ATP7A: variants seen among roughly 807,000 people sequenced by gnomAD.
ATP7A encodes copper-transporting ATPase 1.
ATP7A carries 7 observed loss-of-function variants against 83.5 expected under a neutral mutation model. That is an observed-to-expected ratio of 0.08 (90% CI 0.05 to 0.16). The LOEUF is 0.16. Ranked by LOEUF, ATP7A falls within the 10% of genes least tolerant of loss-of-function variation. The probability of loss-of-function intolerance (pLI) is 1.00; values close to 1 mark genes in which losing one functional copy is unlikely to be tolerated. For missense variants in ATP7A, 940 were observed against 1,120.8 expected, an observed-to-expected ratio of 0.84 and a Z score of 2.30; for synonymous variants, 354 against 395.2, an observed-to-expected ratio of 0.90 and a Z score of 1.24.
chrX:78,002,588 T>G (rs2149089888), intron 5 of ATP7A, among the ~76,000 whole-genome samples: 1 of 111,237 alleles, frequency 9.0e-6, no homozygotes, highest in East Asian at 2.8e-4. Flanking sequence ...ATTTTAGGTG[T>G]GAAAATGGTA....
chrX:77,922,316 G>A (rs1215379319), intron 1 of ATP7A, among the ~76,000 whole-genome samples: 2 of 110,475 alleles, frequency 1.8e-5, no homozygotes, highest in African/African-American at 6.6e-5. Flanking sequence ...ACCAGCCTGG[G>A]CAATATAGGG....
Position 78,038,904 on chromosome X carries a change from G to A in ATP7A, c.3580G>A (p.Val1194Ile). Reference protein sequence around the residue: ...NREWMIRNGLVINNDVNDFMT... With the variant: ...NREWMIRNGLIINNDVNDFMT... ...GGAGTGGATGATTAGAAATGGTCTT[G>A]TCATTAATAACGATGTAAATGATTT... The change falls in exon 18 of 23, where the codon GTC (valine) becomes ATC (isoleucine). Residue 1194 changes from valine to isoleucine, a missense_variant. Coordinates refer to ENST00000341514, the MANE Select transcript of ATP7A (RefSeq NM_000052.7). 8.3e-7 allele frequency: 1 copy of A among 1,210,514 alleles called. No individual in the cohort carries two copies. Among genetic ancestry groups the A allele is most frequent in the South Asian group, 1.8e-5 (1 of 56,992 alleles).
At chrX:78,018,491 C>G (rs782697911) in intron 12 of ATP7A, among the ~76,000 whole-genome samples, 5 of 111,092 alleles carry the variant, frequency 4.5e-5, no homozygotes, top group Non-Finnish European at 9.4e-5. Context: ...GCAAGAAGTG[C>G]GAAACTCTGT....
chrX:77,921,635 C>T (rs988343697), intron 1 of ATP7A, among the ~76,000 whole-genome samples: 1 of 112,165 alleles, frequency 8.9e-6, no homozygotes, highest in Non-Finnish European at 1.9e-5. Context: ...AGGTGCAGTG[C>T]CTCACGCCTG....
intron 4 of ATP7A, among the ~76,000 whole-genome samples, chrX:77,995,048 C>T (rs781903701): frequency 9.0e-6 from 1 of 111,615 alleles, no homozygotes; most frequent in East Asian, 2.8e-4. Flanking sequence ...AGCTTAACTA[C>T]AGTGACCCAT....
chrX:78,031,225 GA>G (rs1203241761), intron 15 of ATP7A, among the ~76,000 whole-genome samples, 174 bp from the exon 16 acceptor site: 2 of 111,909 alleles, frequency 1.8e-5, no homozygotes, highest in African/African-American at 6.5e-5. Flanking sequence ...GTATAACTAA[GA>G]GTATTTCTTC....
chrX:77,919,472 G>A (rs1309843577), intron 1 of ATP7A, among the ~76,000 whole-genome samples: 2 of 112,256 alleles, frequency 1.8e-5, no homozygotes, highest in African/African-American at 6.5e-5. Flanking sequence ...GGTAAAATAT[G>A]CATAATATAA....
chrX:77,911,542 T>C (rs978486889), intron 1 of ATP7A, among the ~76,000 whole-genome samples: 1 of 108,860 alleles, frequency 9.2e-6, no homozygotes, highest in Non-Finnish European at 1.9e-5. Flanking sequence ...TTGAATTAGA[T>C]GATACTGAGG....
Position 78,046,392 on chromosome X carries a change from A to G in ATP7A, c.4325A>G (p.Asp1442Gly). 1.7e-6 allele frequency: 2 copies of G among 1,211,646 alleles called. No individual in the cohort carries two copies. The highest frequency in any genetic ancestry group is 2.2e-6 in the Non-Finnish European group (2 of 895,358). The change falls in exon 23 of 23, where the codon GAT (aspartate) becomes GGT (glycine). Residue 1442 changes from aspartate to glycine, a missense_variant. Physicochemically the swap from Asp to Gly is moderately conservative, Grantham distance 94. Coordinates refer to ENST00000341514, the MANE Select transcript of ATP7A (RefSeq NM_000052.7). ...SEISVHVGID[D>G]TSRNSPKLGL... ...ATCAGCGTTCATGTTGGAATAGATG[A>G]TACCTCAAGGAATTCTCCTAAACTG...
At chrX:77,958,585 T>C (rs1236450587) in intron 1 of ATP7A, among the ~76,000 whole-genome samples, 1 of 110,929 alleles carries the variant, frequency 9.0e-6, no homozygotes, top group African/African-American at 3.3e-5. Flanking sequence ...CTGGGGACTT[T>C]TGTCATTCCA....
intron 1 of ATP7A, among the ~76,000 whole-genome samples, chrX:77,920,133 A>G (rs981042670): frequency 9.0e-6 from 1 of 110,896 alleles, no homozygotes; most frequent in Non-Finnish European, 1.9e-5. Flanking sequence ...CAGAGTGCAC[A>G]ATAGTTTTTC....
chrX:77,934,666 G>A (rs1254956359), intron 1 of ATP7A, among the ~76,000 whole-genome samples: 4 of 110,016 alleles, frequency 3.6e-5, no homozygotes, highest in African/African-American at 1.3e-4. Flanking sequence ...TTCTCAACTC[G>A]TGGCATCATG....
chrX:77,925,848 A>G (rs1360895465), intron 1 of ATP7A, among the ~76,000 whole-genome samples: 1 of 111,266 alleles, frequency 9.0e-6, no homozygotes, highest in Non-Finnish European at 1.9e-5. Context: ...CTTTTGTCTC[A>G]AAACTTTATG....
intron 5 of ATP7A, among the ~76,000 whole-genome samples, chrX:77,999,114 A>C (rs897421241): frequency 1.9e-4 from 21 of 107,983 alleles, no homozygotes; most frequent in African/African-American, 7.1e-4. Context: ...CTTCTGCCTC[A>C]GCCTCCCAAG....
intron 6 of ATP7A, among the ~76,000 whole-genome samples, chrX:78,006,913 T>C (rs1189675321): frequency 1.8e-5 from 2 of 112,286 alleles, no homozygotes; most frequent in Non-Finnish European, 3.8e-5. Context: ...TGATGGACAA[T>C]TGGGTTGTTT....
At chrX:78,045,638 G>A (rs1156813245) in intron 22 of ATP7A, 66 bp downstream of exon 22, 8 of 986,048 alleles carry the variant, frequency 8.1e-6, no homozygotes, top group South Asian at 5.8e-5. Context: ...ATTCTTGGTA[G>A]GTTTTATTCT....
At chrX:78,008,113 A>G (rs1459370793) in intron 6 of ATP7A, among the ~76,000 whole-genome samples, 1 of 112,083 alleles carries the variant, frequency 8.9e-6, no homozygotes, top group African/African-American at 3.2e-5. Context: ...AGATTTCTGG[A>G]AAAAGATGGT....
chrX:78,040,581 C>A lies in ATP7A; in HGVS notation c.3659-10C>A, dbSNP rs1569550309. Reference sequence around the variant, plus strand: ...CCAAGTTCTTTTATTTTGTGCTGCCCCTATATTAGATGAGCTGTGTGGCTT... The same window carrying A: ...CCAAGTTCTTTTATTTTGTGCTGCCACTATATTAGATGAGCTGTGTGGCTT... On this transcript the variant is annotated splice_polypyrimidine_tract_variant and intron_variant, in intron 18 of 22. Coordinates refer to ENST00000341514, the MANE Select transcript of ATP7A (RefSeq NM_000052.7). 8.3e-7 allele frequency: 1 copy of A among 1,209,246 alleles called. No individual in the cohort carries two copies. The highest frequency in any genetic ancestry group is 3.0e-5 in the East Asian group (1 of 33,832).
chrX:77,935,302 A>C (rs1237805697), intron 1 of ATP7A, among the ~76,000 whole-genome samples: 1 of 111,906 alleles, frequency 8.9e-6, no homozygotes, highest in African/African-American at 3.3e-5. Context: ...AGATTGTTTC[A>C]TTTTATGCTC....
Sources: allele counts gnomAD v4.1 joint callset (sites outside exome capture counted in the v4.1 genomes callset), GRCh38; gene constraint gnomAD v4.1.1; transcripts MANE v1.5; gene names NCBI Gene and HGNC (gene_info 2026-07-23, HGNC 2026-07-21).